Variants in MNAT1 observed in about 807,000 individuals in gnomAD.
The protein encoded by MNAT1 is MNAT1 component of CDK activating kinase.
Under a neutral mutation model 42.0 loss-of-function variants are expected in MNAT1, and 43 were observed. That is an observed-to-expected ratio of 1.02 (90% CI 0.80 to 1.32). MNAT1 has a LOEUF of 1.32. MNAT1 is among the 40% of genes most tolerant of loss of function. MNAT1 has a pLI of 0.00. For missense variants in MNAT1, 306 were observed against 350.4 expected (o/e 0.87, Z 1.01); for synonymous variants, 118 against 120.0 (o/e 0.98, Z 0.11).
chr14:60,809,007 C>T (rs2032462274), intron 4 of MNAT1: 1 of 151,932 alleles, frequency 6.6e-6, no homozygotes, highest in Non-Finnish European at 1.5e-5. Flanking sequence ...TTTAGTTGAT[C>T]TCATGTTGAA....
intron 7 of MNAT1, among the ~76,000 whole-genome samples, chr14:60,885,132 TTTGAGTGTTAAATGCTTTGAGGTATTC>T (rs2034636455): frequency 6.6e-6 from 1 of 151,740 alleles, no homozygotes. Context: ...CCTTTGGGAG[TTTGAGTGTTAAATGCTTTGAGGTATTC>T]TTTTTTGAGT....
At position 60,758,880 on chromosome 14, in the gene MNAT1, C is replaced by A. The variant is rs191808201; in HGVS notation, c.89+23929C>A. On this transcript the variant is annotated intron_variant, in intron 1 of 7. Coordinates refer to ENST00000261245, the MANE Select transcript of MNAT1 (RefSeq NM_002431.4). ...TTAATATTTTCTGTTAGTATTAAAA[C>A]AAAAAGTATATGCCTTCCTAATTTT... Among the ~76,000 whole-genome samples the A allele has an allele frequency of 2.7e-3, 407 of 152,120 alleles. 2 individuals are homozygous for A. Among genetic ancestry groups the A allele is most frequent in the Non-Finnish European group, 4.7e-3 (318 of 67,994 alleles).
At chr14:60,852,559 A>T (rs1004771206) in intron 6 of MNAT1, among the ~76,000 whole-genome samples, 5 of 152,106 alleles carry the variant, frequency 3.3e-5, no homozygotes, top group African/African-American at 7.2e-5. Context: ...GTTAGATCCC[A>T]TTTGTCAGTT....
intron 6 of MNAT1, among the ~76,000 whole-genome samples, chr14:60,830,107 A>G (rs1421925288): frequency 6.6e-6 from 1 of 152,218 alleles, no homozygotes; most frequent in Non-Finnish European, 1.5e-5. Flanking sequence ...TGAGGAGTGG[A>G]GTATGGAAGA....
chr14:60,812,230 TA>T (rs1178692961), intron 5 of MNAT1, 103 bp downstream of exon 5: 4 of 1,141,808 alleles, frequency 3.5e-6, no homozygotes, highest in Non-Finnish European at 4.8e-6. Flanking sequence ...ACAGTGTTTG[TA>T]ATCTGGTTCA....
chr14:60,844,331 A>C (rs181192971), intron 6 of MNAT1, among the ~76,000 whole-genome samples: 10 of 152,230 alleles, frequency 6.6e-5, no homozygotes, highest in African/African-American at 2.2e-4. Flanking sequence ...TTAAGATCTA[A>C]AATACTGAGT....
chr14:60,742,680 A>G (rs983817494), intron 1 of MNAT1, among the ~76,000 whole-genome samples: 3 of 152,178 alleles, frequency 2.0e-5, no homozygotes, highest in Admixed American at 6.5e-5. Context: ...GCACTAGGCA[A>G]CCAGTTATCT....
chr14:60,902,192 G>C (rs1189583878), intron 7 of MNAT1, among the ~76,000 whole-genome samples: 3 of 152,148 alleles, frequency 2.0e-5, no homozygotes, highest in Admixed American at 2.0e-4. Context: ...ACTAGCCGAT[G>C]GCCCAGAGGA....
At chr14:60,815,169 T>C (rs2032672816) in intron 5 of MNAT1, among the ~76,000 whole-genome samples, 1 of 152,152 alleles carries the variant, frequency 6.6e-6, no homozygotes, top group African/African-American at 2.4e-5. Context: ...TTTTAGATTT[T>C]ATTTTGAGGT....
At chr14:60,967,078 G>T (rs1425640505) in intron 7 of MNAT1, among the ~76,000 whole-genome samples, 3 of 152,098 alleles carry the variant, frequency 2.0e-5, no homozygotes, top group Non-Finnish European at 4.4e-5. Flanking sequence ...TTAAAACCTT[G>T]ATTTGTGGCA....
intron 6 of MNAT1, among the ~76,000 whole-genome samples, chr14:60,863,824 T>C (rs2034148843): frequency 6.6e-6 from 1 of 152,074 alleles, no homozygotes; most frequent in Non-Finnish European, 1.5e-5. Flanking sequence ...TGAAGAGTGA[T>C]TTGTTAAAGT....
chr14:60,751,581 A>G (rs923483700), intron 1 of MNAT1, among the ~76,000 whole-genome samples: 2 of 151,988 alleles, frequency 1.3e-5, no homozygotes, highest in Non-Finnish European at 2.9e-5. Flanking sequence ...AATGATTTGT[A>G]GGATAACTTA....
Position 60,812,049 on chromosome 14 carries a change from A to G in MNAT1, c.483A>G (p.Arg161=), listed in dbSNP as rs756980094. The change falls in exon 5 of 8, where the codon AGA becomes AGG. Residue 161 remains arginine (R), a synonymous_variant. Transcript: ENST00000261245. ...TGGAACGACAGGAAAATGAACAAAGAAGATTATTTATACAAAAAGAAGAAC... is the reference window on the plus strand; with the variant it reads ...TGGAACGACAGGAAAATGAACAAAGGAGATTATTTATACAAAAAGAAGAAC... ...LEVERQENEQ[R]RLFIQKEEQL... The G allele has an allele frequency of 1.7e-5, 28 of 1,606,710 alleles. No homozygotes were observed. Among genetic ancestry groups the G allele is most frequent in the Admixed American group, 3.4e-5 (2 of 58,680 alleles).
chr14:60,851,490 C>A (rs893827423), intron 6 of MNAT1, among the ~76,000 whole-genome samples: 8 of 152,094 alleles, frequency 5.3e-5, no homozygotes, highest in Non-Finnish European at 8.8e-5. Flanking sequence ...CTGTGTCACA[C>A]TTTGGTAATT....
At chr14:60,910,655 T>A (rs1043804025) in intron 7 of MNAT1, among the ~76,000 whole-genome samples, 3 of 152,238 alleles carry the variant, frequency 2.0e-5, no homozygotes, top group African/African-American at 7.2e-5. Context: ...TGAACCAGCC[T>A]TGCATCCCAG....
chr14:60,765,142 T>A (rs538386613), intron 1 of MNAT1, among the ~76,000 whole-genome samples: 9 of 152,290 alleles, frequency 5.9e-5, no homozygotes, highest in Non-Finnish European at 1.3e-4. Context: ...TTCCAGCTAC[T>A]TGGGAGGCTG....
At position 60,813,818 on chromosome 14, in the gene MNAT1, C is replaced by A. The variant is rs1048711918; in HGVS notation, c.561+1691C>A. ...CTTATGCCTATTTATTTATATCATG[C>A]CAACTACTATGAAGGATTTAAAGTG... On this transcript the variant is annotated intron_variant, in intron 5 of 7. Coordinates refer to ENST00000261245, the MANE Select transcript of MNAT1 (RefSeq NM_002431.4). Among the ~76,000 whole-genome samples, 3 of 152,184 alleles carry A rather than the reference C, an allele frequency of 2.0e-5. No homozygotes were observed. In the East Asian group the frequency reaches 5.8e-4, roughly 29 times the overall value.
intron 4 of MNAT1, 84 bp downstream of exon 4, chr14:60,808,512 A>T: frequency 1.2e-6 from 1 of 807,648 alleles, no homozygotes; most frequent in Admixed American, 3.3e-5. Context: ...CTTCCTTTAA[A>T]CCAGTTACAT....
intron 6 of MNAT1, among the ~76,000 whole-genome samples, chr14:60,820,255 A>C (rs2032842286): frequency 6.6e-6 from 1 of 152,104 alleles, no homozygotes. Context: ...TTGTAAATTG[A>C]GCATGATGAG....
Sources: gnomAD v4.1 joint callset for allele counts (sites outside exome capture counted in the v4.1 genomes callset) on GRCh38, gnomAD v4.1.1 for gene constraint, MANE v1.5 for transcripts, NCBI Gene and HGNC (gene_info 2026-07-23, HGNC 2026-07-21) for gene names.